The following FBXW7 variants were observed in gnomAD, a reference collection of about 807,000 sequenced individuals.
FBXW7 encodes the protein F-box and WD repeat domain containing 7.
Under a neutral mutation model 86.3 loss-of-function variants are expected in FBXW7, and 11 were observed. The observed-to-expected ratio is 0.13, with a 90% CI of 0.08 to 0.21. The LOEUF (loss-of-function observed/expected upper bound fraction) is 0.21. Ranked by LOEUF, FBXW7 falls within the 10% of genes least tolerant of loss-of-function variation. The pLI, the probability that FBXW7 is intolerant of heterozygous loss-of-function variation, is 1.00. For missense variants in FBXW7, 488 were observed against 847.4 expected, an observed-to-expected ratio of 0.58 and a Z score of 5.27; for synonymous variants, 313 against 297.9, an observed-to-expected ratio of 1.05 and a Z score of -0.52.
intron 2 of FBXW7, among the ~76,000 whole-genome samples, chr4:152,429,190 CA>C (rs1309032118): frequency 2.0e-5 from 3 of 151,436 alleles, no homozygotes; most frequent in Admixed American, 2.0e-4. Flanking sequence ...AACTCCATCT[CA>C]AAAAAAAGAG....
intron 2 of FBXW7, among the ~76,000 whole-genome samples, chr4:152,505,058 A>C (rs1747285771): frequency 6.6e-6 from 1 of 152,212 alleles, no homozygotes; most frequent in Admixed American, 6.5e-5. Flanking sequence ...TCCATGGTAT[A>C]AACTATTGCT....
chr4:152,352,332 T>A (rs890580389), intron 4 of FBXW7: 52 of 922,140 alleles, frequency 5.6e-5, no homozygotes, highest in Non-Finnish European at 7.9e-5. Flanking sequence ...ACATTCATGA[T>A]ATAAAACAGA....
intron 2 of FBXW7, among the ~76,000 whole-genome samples, chr4:152,462,175 T>C (rs1373363445): frequency 6.6e-6 from 1 of 152,208 alleles, no homozygotes. Context: ...GCAGAGATTA[T>C]ACTGAGATGT....
chr4:152,385,463 T>C (rs566046118), intron 4 of FBXW7, among the ~76,000 whole-genome samples: 115 of 152,136 alleles, frequency 7.6e-4, no homozygotes, highest in Non-Finnish European at 1.3e-3. Flanking sequence ...AGAAAATCCC[T>C]GATCTCAATG....
intron 4 of FBXW7, among the ~76,000 whole-genome samples, chr4:152,398,526 T>C (rs1452124406): frequency 1.3e-5 from 2 of 151,952 alleles, no homozygotes; most frequent in South Asian, 2.1e-4. Context: ...CACAAATAAT[T>C]GTAATGCTAA....
intron 2 of FBXW7, among the ~76,000 whole-genome samples, chr4:152,522,206 A>AT (rs1308894570): frequency 1.3e-5 from 2 of 152,134 alleles, no homozygotes; most frequent in Admixed American, 6.5e-5. Context: ...TACGGCACTC[A>AT]TATCTCATAA....
chr4:152,351,568 CGT>C (rs747815117), intron 4 of FBXW7, among the ~76,000 whole-genome samples: 38 of 152,014 alleles, frequency 2.5e-4, no homozygotes, highest in Non-Finnish European at 5.0e-4. Context: ...TAGGTAGCCA[CGT>C]GTTTCCGTGT....
At chr4:152,326,366 C>CA (rs1470642773) in intron 11 of FBXW7, 135 bp from the exon 12 acceptor site, 4 of 662,282 alleles carry the variant, frequency 6.0e-6, no homozygotes, top group Non-Finnish European at 1.0e-5. Context: ...CAGCAACAAC[C>CA]ATTTTCAAAA....
chr4:152,430,179 G>A (rs529321294), intron 2 of FBXW7, among the ~76,000 whole-genome samples: 27 of 152,224 alleles, frequency 1.8e-4, no homozygotes, highest in African/African-American at 5.5e-4. Context: ...TTCTCTGAAC[G>A]GCTGAGTTTA....
intron 2 of FBXW7, among the ~76,000 whole-genome samples, chr4:152,534,481 G>A (rs928167902): frequency 1.3e-5 from 2 of 152,096 alleles, no homozygotes; most frequent in African/African-American, 4.8e-5. Context: ...CTCAAAACAG[G>A]TTTGTTGTTG....
intron 2 of FBXW7, among the ~76,000 whole-genome samples, chr4:152,445,063 C>T (rs115075670): frequency 4.5e-4 from 68 of 152,214 alleles, no homozygotes; most frequent in African/African-American, 1.6e-3. Flanking sequence ...TCGACTCAAG[C>T]GACCCATCTG....
At chr4:152,367,803 T>C (rs1733633713) in intron 4 of FBXW7, among the ~76,000 whole-genome samples, 1 of 152,112 alleles carries the variant, frequency 6.6e-6, no homozygotes, top group South Asian at 2.1e-4. Flanking sequence ...CATTTTTGTA[T>C]ATAGATGTAG....
At chr4:152,326,421 G>A (rs1378914045) in intron 11 of FBXW7, among the ~76,000 whole-genome samples, 190 bp from the exon 12 acceptor site, 2 of 150,982 alleles carry the variant, frequency 1.3e-5, no homozygotes, top group East Asian at 3.9e-4. Flanking sequence ...ATAAGGGAAT[G>A]GGAAGTTGGG....
rs950466844 is a variant in FBXW7, at chr4:152,535,382, A to T, written c.-468T>A. ...GGGGCCGGCGACTGGCCAAGGGAGA[A>T]GACCCCCGGAGGGGGCTGAGGGGAG... is the stretch of plus-strand genomic sequence containing the variant. On this transcript the variant is annotated 5_prime_UTR_variant, in exon 1 of 14. Coordinates refer to ENST00000281708, the MANE Select transcript of FBXW7 (RefSeq NM_001349798.2). The T allele has an allele frequency of 2.2e-5, 8 of 371,734 alleles. No homozygotes were observed. The highest frequency in any genetic ancestry group is 3.8e-5 in the Non-Finnish European group (8 of 209,284). The allele number at this position is 371,734 out of a possible 1,614,324, so 23.0% of individuals were successfully genotyped here.
At chr4:152,507,175 A>G (rs776686726) in intron 2 of FBXW7, among the ~76,000 whole-genome samples, 3 of 152,216 alleles carry the variant, frequency 2.0e-5, no homozygotes, top group Non-Finnish European at 4.4e-5. Flanking sequence ...AAGCCTAATC[A>G]AAAAGGTAAT....
At chr4:152,468,735 T>C (rs1277379688) in intron 2 of FBXW7, among the ~76,000 whole-genome samples, 1 of 152,058 alleles carries the variant, frequency 6.6e-6, no homozygotes, top group Non-Finnish European at 1.5e-5. Context: ...ATAAATTTCA[T>C]CTCAATAAAA....
intron 2 of FBXW7, among the ~76,000 whole-genome samples, chr4:152,505,409 T>C (rs1173631809): frequency 2.0e-5 from 3 of 152,230 alleles, no homozygotes; most frequent in African/African-American, 7.2e-5. Flanking sequence ...ATGAACGTTT[T>C]AATTTTTTGC....
intron 2 of FBXW7, among the ~76,000 whole-genome samples, chr4:152,426,275 A>G (rs540605155): frequency 1.3e-5 from 2 of 152,198 alleles, no homozygotes; most frequent in South Asian, 4.1e-4. Flanking sequence ...GGTCTAGTAT[A>G]TATCTAGTTG....
chr4:152,463,204 T>C lies in FBXW7; in HGVS notation c.-119-50675A>G, dbSNP rs530455553. Among the ~76,000 whole-genome samples, 3 of 152,046 alleles carry C rather than the reference T, an allele frequency of 2.0e-5. No homozygotes were observed. The East Asian group carries it at 5.8e-4, about 29-fold the overall frequency. Reference sequence around the variant, plus strand: ...TTGGAGGCTGACGCATGAGAATCACTTGAATCCAGGAGGCAGAGGTTGCAG... The same window carrying C: ...TTGGAGGCTGACGCATGAGAATCACCTGAATCCAGGAGGCAGAGGTTGCAG... On this transcript the variant is annotated intron_variant, in intron 2 of 13. Transcript: ENST00000281708.
Sources: allele counts gnomAD v4.1 joint callset (sites outside exome capture counted in the v4.1 genomes callset), GRCh38; gene constraint gnomAD v4.1.1; transcripts MANE v1.5; gene names NCBI Gene and HGNC (gene_info 2026-07-23, HGNC 2026-07-21).